Variants in B4GALNT2 observed in about 807,000 individuals in gnomAD.
B4GALNT2 encodes the protein beta-1,4-N-acetyl-galactosaminyltransferase 2 (SID blood group).
B4GALNT2 carries 42 observed loss-of-function variants against 51.1 expected under a neutral mutation model. The observed-to-expected ratio is 0.82, with a 90% confidence interval of 0.64 to 1.06. B4GALNT2 has a LOEUF of 1.06. B4GALNT2 is among the 50% of genes least tolerant of loss of function. The pLI, the probability that B4GALNT2 is intolerant of heterozygous loss-of-function variation, is 0.00. For synonymous variants in B4GALNT2, 253 were observed against 251.7 expected, an observed-to-expected ratio of 1.01 and a Z score of -0.05; for missense variants, 602 against 633.6, an observed-to-expected ratio of 0.95 and a Z score of 0.54.
At chr17:49,147,831 C>T (rs1349859806) in intron 3 of B4GALNT2, among the ~76,000 whole-genome samples, 1 of 149,612 alleles carries the variant, frequency 6.7e-6, no homozygotes, top group African/African-American at 2.5e-5. Context: ...CTGTTATATA[C>T]ATGTATGTTA....
rs2042719392 is a variant in B4GALNT2, at chr17:49,148,528, A to G, written c.354-4272A>G. 3 of 363,468 alleles carry G rather than the reference A, an allele frequency of 8.3e-6. No individual in the cohort carries two copies. In the Admixed American group the frequency reaches 9.9e-5, roughly 12 times the overall value. 22.5% of individuals were successfully genotyped at this position (363,468 alleles called of 1,614,324 possible). On this transcript the variant is annotated intron_variant, in intron 3 of 10. Coordinates refer to ENST00000393354, the MANE Select transcript of B4GALNT2 (RefSeq NM_001159387.2). The stretch of plus-strand genomic sequence containing the variant: ...CCAGTCTCTGGACAGCTGTGGCATA[A>G]GGTGGCAAGCACAATCTCTGGGGGC...
chr17:49,123,210 C>T, the B4GALNT2 span, among the ~76,000 whole-genome samples: 4 of 152,118 alleles, frequency 2.6e-5, no homozygotes, highest in East Asian at 1.9e-4. Flanking sequence ...ACTCACTAGA[C>T]GTGGGGGCAA....
At chr17:49,145,113 C>T (rs1272470158) in intron 3 of B4GALNT2, among the ~76,000 whole-genome samples, 1 of 152,126 alleles carries the variant, frequency 6.6e-6, no homozygotes, top group Non-Finnish European at 1.5e-5. Context: ...CACAGACACA[C>T]CCTGGATCAA....
upstream of B4GALNT2, among the ~76,000 whole-genome samples, chr17:49,131,492 T>G (rs573214287): frequency 4.6e-5 from 6 of 131,208 alleles, no homozygotes; most frequent in Admixed American, 4.9e-4. Context: ...AAAAAAGCAC[T>G]GGCCATTTTT....
chr17:49,164,648 T>G (rs1371655887), intron 8 of B4GALNT2, among the ~76,000 whole-genome samples: 1 of 151,774 alleles, frequency 6.6e-6, no homozygotes, highest in Admixed American at 6.6e-5. Flanking sequence ...ATTACCAGCA[T>G]GCACCACCAC....
At chr17:49,139,267 C>T (rs960647013) in intron 1 of B4GALNT2, among the ~76,000 whole-genome samples, 1 of 151,494 alleles carries the variant, frequency 6.6e-6, no homozygotes, top group Non-Finnish European at 1.5e-5. Context: ...GAGACAGAGT[C>T]TCCCTCTGAC....
chr17:49,133,934 C>CAAACA (rs1310456667), intron 1 of B4GALNT2, among the ~76,000 whole-genome samples: 1 of 141,846 alleles, frequency 7.0e-6, no homozygotes, highest in Non-Finnish European at 1.5e-5. Context: ...ACAAACAAAA[C>CAAACA]AAACAAACAA....
the B4GALNT2 span, among the ~76,000 whole-genome samples, chr17:49,122,564 G>A: frequency 6.6e-6 from 1 of 152,184 alleles, no homozygotes; most frequent in East Asian, 1.9e-4. Flanking sequence ...GATGACCCAT[G>A]CTATGATTTT....
At chr17:49,161,553 C>T (rs777166284) in intron 7 of B4GALNT2, among the ~76,000 whole-genome samples, 11 of 151,950 alleles carry the variant, frequency 7.2e-5, no homozygotes, top group Non-Finnish European at 1.3e-4. Flanking sequence ...CAGAGCAAGA[C>T]CCTGTCTCAA....
upstream of B4GALNT2, among the ~76,000 whole-genome samples, chr17:49,130,766 A>C (rs1217431346): frequency 6.6e-6 from 1 of 152,184 alleles, no homozygotes; most frequent in Non-Finnish European, 1.5e-5. Context: ...TCTAGGGTAC[A>C]TATGCTTTTT....
chr17:49,120,469 T>C, the B4GALNT2 span, among the ~76,000 whole-genome samples: 1 of 100,754 alleles, frequency 9.9e-6, no homozygotes. Context: ...GTCTTTTGTG[T>C]GTGTGTGTGT....
intron 3 of B4GALNT2, among the ~76,000 whole-genome samples, chr17:49,146,502 G>T (rs1185482280): frequency 6.6e-6 from 1 of 152,128 alleles, no homozygotes; most frequent in East Asian, 1.9e-4. Context: ...ATGGAGATGG[G>T]GTTTCCCCAT....
chr17:49,157,881 C>T (rs1005745846), intron 5 of B4GALNT2, among the ~76,000 whole-genome samples: 1 of 152,198 alleles, frequency 6.6e-6, no homozygotes, highest in African/African-American at 2.4e-5. Context: ...CTGCTGTTTT[C>T]CCAGTGCCTG....
At chr17:49,140,161 C>T (rs936490931) in intron 1 of B4GALNT2, among the ~76,000 whole-genome samples, 11 of 151,254 alleles carry the variant, frequency 7.3e-5, no homozygotes, top group Middle Eastern at 3.2e-3. Flanking sequence ...AGTGCAGTGG[C>T]GTGATCTCAG....
intron 1 of B4GALNT2, among the ~76,000 whole-genome samples, chr17:49,139,245 G>GTT (rs143419564): frequency 4.1e-5 from 6 of 147,902 alleles, no homozygotes; most frequent in African/African-American, 4.9e-5. Context: ...GGGCGTTTTT[G>GTT]TTTTTTTTTT....
chr17:49,152,544 C>T (rs1022344613), intron 3 of B4GALNT2, among the ~76,000 whole-genome samples: 4 of 152,160 alleles, frequency 2.6e-5, no homozygotes, highest in South Asian at 2.1e-4. Context: ...GGCGTGGAGG[C>T]GCACTCCTAT....
chr17:49,161,281 A>T (rs1699245872), intron 7 of B4GALNT2, among the ~76,000 whole-genome samples: 1 of 151,556 alleles, frequency 6.6e-6, no homozygotes, highest in African/African-American at 2.4e-5. Flanking sequence ...TCTTGAAAAA[A>T]AAAAAAAGAG....
chr17:49,139,245 GT>G (rs143419564), intron 1 of B4GALNT2, among the ~76,000 whole-genome samples: 2 of 147,960 alleles, frequency 1.4e-5, no homozygotes, highest in Admixed American at 6.7e-5. Flanking sequence ...GGGCGTTTTT[GT>G]TTTTTTTTTG....
chr17:49,161,789 G>A (rs1296625421), intron 7 of B4GALNT2, among the ~76,000 whole-genome samples: 3 of 151,094 alleles, frequency 2.0e-5, no homozygotes, highest in South Asian at 2.1e-4. Flanking sequence ...CCCTGAAGGC[G>A]GAGGTTGCAG....
Sources: gnomAD v4.1 joint callset for allele counts (sites outside exome capture counted in the v4.1 genomes callset) on GRCh38, gnomAD v4.1.1 for gene constraint, MANE v1.5 for transcripts, NCBI Gene and HGNC (gene_info 2026-07-23, HGNC 2026-07-21) for gene names.